Variants in RAB10 observed in about 807,000 individuals in gnomAD.
RAB10 encodes RAB10, member RAS oncogene family.
RAB10 carries 5 observed loss-of-function variants against 25.7 expected under a neutral mutation model. The observed-to-expected ratio is 0.19, with a 90% CI of 0.10 to 0.41. RAB10 has a LOEUF of 0.41. Ranked by LOEUF, RAB10 falls within the 10% of genes least tolerant of loss-of-function variation. The pLI is 1.00. For synonymous variants in RAB10, 89 were observed against 86.4 expected, an observed-to-expected ratio of 1.03 and a Z score of -0.16; for missense variants, 103 against 245.8, an observed-to-expected ratio of 0.42 and a Z score of 3.89.
intron 1 of RAB10, among the ~76,000 whole-genome samples, chr2:26,080,705 A>G (rs1433154130): frequency 2.0e-5 from 3 of 152,028 alleles, no homozygotes; most frequent in Non-Finnish European, 4.4e-5. Flanking sequence ...GTTTGTAGAG[A>G]TGGGATCTTG....
At position 26,077,194 on chromosome 2, in the gene RAB10, C is replaced by A. The variant is rs537115272; in HGVS notation, c.128-21468C>A. On this transcript the variant is annotated intron_variant, in intron 1 of 5. Coordinates refer to ENST00000264710, the MANE Select transcript of RAB10 (RefSeq NM_016131.5). ...CAAAGCATTTGATTTTTTAAAAAAT[C>A]GTGTGAAATGTAAATTGTTTATTTT... Among the ~76,000 whole-genome samples the A allele has an allele frequency of 4.3e-4, 65 of 152,100 alleles. 2 individuals carry two copies. In the South Asian group the frequency reaches 0.013, roughly 30 times the overall value.
intron 1 of RAB10, among the ~76,000 whole-genome samples, chr2:26,077,995 AAAG>A (rs950206882): frequency 2.6e-4 from 39 of 152,280 alleles, no homozygotes; most frequent in African/African-American, 8.9e-4. Flanking sequence ...AATAAATAAA[AAAG>A]GTAAAGGTCT....
chr2:26,135,676 G>GT lies in RAB10; in HGVS notation c.*655_*656insT, dbSNP rs1668096740. ...TCAAAGTAGTTAATTGAGGACAAAG[G>GT]GTAATGCAGAAGTGATAGCTTTGGT... On this transcript the variant is annotated 3_prime_UTR_variant, in exon 6 of 6. Coordinates refer to ENST00000264710, the MANE Select transcript of RAB10 (RefSeq NM_016131.5). 6.6e-6 allele frequency: 1 copy of GT among 152,564 alleles called. No individual in the cohort carries two copies. Among genetic ancestry groups the GT allele is most frequent in the African/African-American group, 2.4e-5 (1 of 41,422 alleles). 9.5% of individuals were successfully genotyped at this position (152,564 alleles called of 1,614,324 possible).
At chr2:26,050,460 A>C (rs1015151179) in intron 1 of RAB10, among the ~76,000 whole-genome samples, 1 of 152,150 alleles carries the variant, frequency 6.6e-6, no homozygotes, top group African/African-American at 2.4e-5. Flanking sequence ...GTACCTTGGT[A>C]GGTGGGTCTT....
intron 1 of RAB10, among the ~76,000 whole-genome samples, chr2:26,045,469 G>C (rs1377353896): frequency 6.6e-6 from 1 of 151,824 alleles, no homozygotes; most frequent in Non-Finnish European, 1.5e-5. Context: ...TCGATCTCCT[G>C]ACCTCATGAT....
chr2:26,078,321 C>T (rs1024360059), intron 1 of RAB10, among the ~76,000 whole-genome samples: 1 of 152,058 alleles, frequency 6.6e-6, no homozygotes, highest in African/African-American at 2.4e-5. Context: ...CATATGGCTC[C>T]TAAAATTCAT....
At chr2:26,052,056 C>CA (rs71399349) in intron 1 of RAB10, among the ~76,000 whole-genome samples, 4,449 of 114,920 alleles carry the variant, frequency 0.039, 83 homozygotes, top group Non-Finnish European at 0.048. Flanking sequence ...GACTCAGTCT[C>CA]AAAAAAAAAA....
At chr2:26,035,409 T>G (rs1665744296) in intron 1 of RAB10, among the ~76,000 whole-genome samples, 1 of 152,224 alleles carries the variant, frequency 6.6e-6, no homozygotes, top group Non-Finnish European at 1.5e-5. Flanking sequence ...AGCTCTCTCT[T>G]CTATTTTATT....
At chr2:26,105,017 G>A (rs1043854005) in intron 2 of RAB10, among the ~76,000 whole-genome samples, 2 of 152,230 alleles carry the variant, frequency 1.3e-5, no homozygotes, top group Middle Eastern at 3.4e-3. Flanking sequence ...GATTACAGGC[G>A]TGAGCCACCG....
At chr2:26,090,975 A>G (rs1667095190) in intron 1 of RAB10, among the ~76,000 whole-genome samples, 1 of 151,646 alleles carries the variant, frequency 6.6e-6, no homozygotes, top group Non-Finnish European at 1.5e-5. Context: ...ATCTCATTGG[A>G]ACCTTTGGCC....
At chr2:26,047,429 T>A (rs1279995361) in intron 1 of RAB10, among the ~76,000 whole-genome samples, 1 of 151,302 alleles carries the variant, frequency 6.6e-6, no homozygotes, top group African/African-American at 2.4e-5. Flanking sequence ...GTTTGTTTTT[T>A]TATTGAGACA....
At chr2:26,108,954 C>T (rs1335608869) in intron 2 of RAB10, among the ~76,000 whole-genome samples, 1 of 151,760 alleles carries the variant, frequency 6.6e-6, no homozygotes, top group Non-Finnish European at 1.5e-5. Context: ...CTCTGTCACC[C>T]AAGCTGGAGT....
At chr2:26,059,505 A>G (rs982579014) in intron 1 of RAB10, among the ~76,000 whole-genome samples, 2 of 152,370 alleles carry the variant, frequency 1.3e-5, no homozygotes, top group Non-Finnish European at 2.9e-5. Context: ...TGAGAAGCAC[A>G]TGGTAAGTAA....
intron 1 of RAB10, among the ~76,000 whole-genome samples, chr2:26,096,342 T>C (rs1215773176): frequency 2.6e-5 from 4 of 152,158 alleles, no homozygotes; most frequent in Admixed American, 1.3e-4. Flanking sequence ...AGTGTAAGGA[T>C]GTATGCCAGA....
intron 1 of RAB10, among the ~76,000 whole-genome samples, chr2:26,036,383 G>T (rs1419423357): frequency 6.6e-6 from 1 of 152,130 alleles, no homozygotes; most frequent in African/African-American, 2.4e-5. Flanking sequence ...AGTCTGGGCC[G>T]GGCGCGGTGG....
intron 1 of RAB10, among the ~76,000 whole-genome samples, chr2:26,081,938 T>TTA (rs1169949365): frequency 6.6e-6 from 1 of 152,052 alleles, no homozygotes; most frequent in African/African-American, 2.4e-5. Context: ...TTTTAAGGAA[T>TTA]GTTAAAGGAA....
chr2:26,132,903 C>T (rs1299621610), intron 5 of RAB10, among the ~76,000 whole-genome samples: 1 of 152,178 alleles, frequency 6.6e-6, no homozygotes, highest in Non-Finnish European at 1.5e-5. Context: ...ATTTTCAGTG[C>T]AACTGTACTT....
chr2:26,134,281 A>G (rs925968216), intron 5 of RAB10, among the ~76,000 whole-genome samples: 2 of 151,970 alleles, frequency 1.3e-5, no homozygotes, highest in Non-Finnish European at 2.9e-5. Flanking sequence ...GTGTCCAGCT[A>G]ATATTTTAAA....
chr2:26,132,081 C>T (rs1030065390), intron 5 of RAB10, among the ~76,000 whole-genome samples: 1 of 152,198 alleles, frequency 6.6e-6, no homozygotes, highest in Non-Finnish European at 1.5e-5. Flanking sequence ...CAGCCAAAGT[C>T]TGTCCTGAGG....
Sources: gnomAD v4.1 joint callset for allele counts (sites outside exome capture counted in the v4.1 genomes callset) on GRCh38, gnomAD v4.1.1 for gene constraint, MANE v1.5 for transcripts, NCBI Gene and HGNC (gene_info 2026-07-23, HGNC 2026-07-21) for gene names.